The following HECTD2 variants were observed in gnomAD, a reference collection of about 807,000 sequenced individuals.
The protein encoded by HECTD2 is HECT domain E3 ubiquitin protein ligase 2.
A neutral mutation model predicts 103.2 loss-of-function variants in HECTD2; 35 were observed. The observed-to-expected ratio is 0.34, with a 90% CI of 0.26 to 0.45. The LOEUF (loss-of-function observed/expected upper bound fraction) is 0.45. HECTD2 is among the 20% of genes least tolerant of loss of function. The pLI is 1.00. For synonymous variants in HECTD2, 281 were observed against 329.9 expected, an observed-to-expected ratio of 0.85 and a Z score of 1.61; for missense variants, 596 against 937.4, an observed-to-expected ratio of 0.64 and a Z score of 4.76.
Position 91,491,273 on chromosome 10 carries a change from G to C in HECTD2, c.1265G>C (p.Arg422Thr). Reference sequence around the variant, plus strand: ...ATATTATTTCTAAATATGAAAGTAAGACGGACACATCTGGTTAGCGATTCA... The same window carrying C: ...ATATTATTTCTAAATATGAAAGTAACACGGACACATCTGGTTAGCGATTCA... Reference protein sequence around the residue: ...MNILFLNMKVRRTHLVSDSLD... With the variant: ...MNILFLNMKVTRTHLVSDSLD... Residue 422 changes from arginine to threonine, a missense_variant, in exon 12 of 21, where the codon AGA becomes ACA. Physicochemically the swap from Arg to Thr is moderately conservative, Grantham distance 71. This residue lies in a region of HECTD2 where 303 missense variants were observed against 522.5 expected (regional missense o/e 0.58). Coordinates refer to ENST00000298068, the MANE Select transcript of HECTD2 (RefSeq NM_182765.6). 6.4e-7 allele frequency: 1 copy of C among 1,568,172 alleles called. No homozygotes were observed. The highest frequency in any genetic ancestry group is 8.7e-7 in the Non-Finnish European group (1 of 1,145,286).
intron 14 of HECTD2, 83 bp from the exon 15 acceptor site, chr10:91,496,131 T>C: frequency 1.2e-6 from 1 of 848,880 alleles, no homozygotes; most frequent in Non-Finnish European, 1.8e-6. Context: ...GAAAGAAGTA[T>C]GCAAAAAATA....
At chr10:91,509,022 T>G (rs1330638853) in intron 20 of HECTD2, among the ~76,000 whole-genome samples, 51 of 149,322 alleles carry the variant, frequency 3.4e-4, no homozygotes, top group African/African-American at 1.0e-3. Flanking sequence ...ACTATCGCAA[T>G]AACAAAAAAC....
intron 3 of HECTD2, 133 bp from the exon 4 acceptor site, chr10:91,461,121 A>G (rs576041404): frequency 8.0e-5 from 39 of 485,740 alleles, no homozygotes; most frequent in Non-Finnish European, 1.2e-4. Flanking sequence ...TCCATAAACT[A>G]TATTAACTGG....
chr10:91,437,046 G>T (rs539878758), intron 2 of HECTD2, among the ~76,000 whole-genome samples: 39 of 152,164 alleles, frequency 2.6e-4, no homozygotes, highest in African/African-American at 9.4e-4. Context: ...AGGAGTATGA[G>T]ATTCTGAGAG....
chr10:91,432,139 A>G (rs1408061037), intron 2 of HECTD2, among the ~76,000 whole-genome samples: 1 of 151,920 alleles, frequency 6.6e-6, no homozygotes, highest in Non-Finnish European at 1.5e-5. Flanking sequence ...CATCTTCCAA[A>G]TGTAAGCATG....
In HECTD2 at chr10:91,461,305, T is replaced by G. The variant is rs768756511; in HGVS notation, c.459T>G (p.Asp153Glu). 3.3e-5 allele frequency: 52 copies of G among 1,556,940 alleles called. No individual in the cohort carries two copies. Among genetic ancestry groups the G allele is most frequent in the Non-Finnish European group, 4.2e-5 (49 of 1,153,730 alleles). Residue 153 changes from aspartate to glutamate, a missense_variant, in exon 4 of 21, where the codon GAT becomes GAG. Asp to Glu is a conservative substitution (Grantham distance 45, BLOSUM62 2). Around this residue, in one of 4 missense-constraint regions of HECTD2, gnomAD observed 220 missense variants for 233.9 expected, o/e 0.94. Transcript: ENST00000298068. ...CAGGAGATTGGAAAGCAGTACATGA[T>G]TTTTATCTAACAACGTTTGATTCTT... ...KSSGDWKAVH[D>E]FYLTTFDSFP...
chr10:91,472,261 G>T (rs1344924682), intron 5 of HECTD2, among the ~76,000 whole-genome samples: 1 of 152,132 alleles, frequency 6.6e-6, no homozygotes, highest in South Asian at 2.1e-4. Flanking sequence ...ATATGTAAAA[G>T]ATTGAAAGTG....
In HECTD2 at chr10:91,425,289, C is replaced by T; in HGVS notation, c.147C>T (p.Asp49=). The change falls in exon 2 of 21, where the codon GAC becomes GAT. Residue 49 remains aspartate (D), a synonymous_variant. Transcript: ENST00000298068. The stretch of plus-strand genomic sequence containing the variant: ...AACTTTTCTGTTTTCAGGGTTTGGA[C>T]AGAGGAGCCAAAGGCCAAATTTCCA... The part of the protein sequence containing the change: ...SAGAGATAGL[D]RGAKGQISTF... 1 of 1,534,032 alleles carries T rather than the reference C, an allele frequency of 6.5e-7. No homozygotes were observed. The highest frequency in any genetic ancestry group is 8.8e-7 in the Non-Finnish European group (1 of 1,134,012).
chr10:91,505,400 T>C (rs1194085399), intron 20 of HECTD2, among the ~76,000 whole-genome samples: 1 of 152,026 alleles, frequency 6.6e-6, no homozygotes, highest in Non-Finnish European at 1.5e-5. Flanking sequence ...GGGACACACA[T>C]AGGCTCAAAA....
At chr10:91,479,823 A>G (rs1371454393) in intron 6 of HECTD2, among the ~76,000 whole-genome samples, 3 of 152,180 alleles carry the variant, frequency 2.0e-5, no homozygotes, top group African/African-American at 7.2e-5. Context: ...TTCTTTTAAC[A>G]AAACTTGGCC....
At chr10:91,460,197 T>A (rs1845284025) in intron 2 of HECTD2, among the ~76,000 whole-genome samples, 1 of 152,088 alleles carries the variant, frequency 6.6e-6, no homozygotes, top group Non-Finnish European at 1.5e-5. Context: ...AAGCTCTATA[T>A]TAAGTATGCA....
intron 1 of HECTD2, among the ~76,000 whole-genome samples, chr10:91,423,332 T>C (rs1425489478): frequency 6.6e-6 from 1 of 152,098 alleles, no homozygotes; most frequent in Non-Finnish European, 1.5e-5. Context: ...TAAATACATA[T>C]AGGAATGTTA....
chr10:91,484,432 G>C, intron 8 of HECTD2, 75 bp from the exon 9 acceptor site: 5 of 1,523,656 alleles, frequency 3.3e-6, no homozygotes, highest in Non-Finnish European at 3.6e-6. Flanking sequence ...TTAGGATGTA[G>C]TTTAATATCT....
At chr10:91,419,951 G>A (rs976778811) in intron 1 of HECTD2, among the ~76,000 whole-genome samples, 5 of 152,116 alleles carry the variant, frequency 3.3e-5, no homozygotes, top group African/African-American at 9.7e-5. Flanking sequence ...GTTCTTTAAC[G>A]TTTAATTTAG....
At chr10:91,496,871 A>T (rs1460771822) in intron 15 of HECTD2, among the ~76,000 whole-genome samples, 2 of 151,542 alleles carry the variant, frequency 1.3e-5, no homozygotes, top group African/African-American at 4.8e-5. Flanking sequence ...CATAAAAATT[A>T]AATTGAAAAT....
chr10:91,410,567 C>T lies in HECTD2; in HGVS notation c.129C>T (p.Gly43=). ...KLPPIVSAGA[G]ATAGLDRGAK... is the part of the protein sequence containing the mutation. ...CGCCCATCGTATCGGCGGGCGCCGG[C>T]GCGACCGCGGTAGGTGGTGGGCCGG... The change falls in exon 1 of 21, where the codon GGC becomes GGT. Residue 43 remains glycine (G), a synonymous_variant. Transcript: ENST00000298068. The T allele has an allele frequency of 1.4e-6, 2 of 1,426,716 alleles. No homozygotes were observed. The highest frequency in any genetic ancestry group is 1.4e-5 in the South Asian group (1 of 70,498). 88.4% of individuals were successfully genotyped at this position (1,426,716 alleles called of 1,614,324 possible). A position where few individuals can be genotyped will look rare whatever the true frequency, so the allele number is the denominator to read the frequency against.
At chr10:91,512,190 T>C (rs1238171931) in intron 20 of HECTD2, 74 bp from the exon 21 acceptor site, 6 of 1,485,942 alleles carry the variant, frequency 4.0e-6, no homozygotes, top group Non-Finnish European at 4.6e-6. Flanking sequence ...TGTCCTGGTA[T>C]TTTTTAAAGT....
chr10:91,464,518 T>C, intron 5 of HECTD2: 1 of 154,332 alleles, frequency 6.5e-6, no homozygotes, highest in Non-Finnish European at 1.4e-5. Flanking sequence ...CCTCAAGCAG[T>C]CCTCCTGCCT....
chr10:91,491,215 A>G lies in HECTD2; in HGVS notation c.1207A>G (p.Lys403Glu). The change falls in exon 12 of 21, where the codon AAA (lysine) becomes GAA (glutamate). Residue 403 changes from lysine (K) to glutamate (E), a missense_variant. Coordinates refer to ENST00000298068, the MANE Select transcript of HECTD2 (RefSeq NM_182765.6). ...INIARQSLVD[K>E]VSRRQRPDMN... is the part of the protein sequence containing the mutation. The stretch of plus-strand genomic sequence containing the variant: ...ATTTAATCAGCAAAGTCTGGTGGAT[A>G]AAGTATCTCGAAGACAGAGACCTGA... 6.4e-7 allele frequency: 1 copy of G among 1,559,472 alleles called. No individual in the cohort carries two copies. The highest frequency in any genetic ancestry group is 8.8e-7 in the Non-Finnish European group (1 of 1,135,878).
Sources: gnomAD v4.1 joint callset for allele counts (sites outside exome capture counted in the v4.1 genomes callset) on GRCh38, gnomAD v4.1.1 for gene constraint, gnomAD v4.1.1 regional missense constraint, MANE v1.5 for transcripts, NCBI Gene and HGNC (gene_info 2026-07-23, HGNC 2026-07-21) for gene names.